ANKRD30BL: variants seen among roughly 807,000 people sequenced by gnomAD.
ANKRD30BL encodes ankyrin repeat domain 30B like, also known as putative ankyrin repeat domain-containing protein 30B-like.
In ANKRD30BL, 20 loss-of-function variants were observed where a neutral mutation model predicts 18.4. That is an observed-to-expected ratio of 1.09 (90% CI 0.77 to 1.58). The LOEUF (loss-of-function observed/expected upper bound fraction) is 1.58. Among genes scored for constraint, ANKRD30BL ranks in the 40% most tolerant of loss-of-function variants. The pLI is 0.00. For missense variants in ANKRD30BL, 224 were observed against 268.6 expected (o/e 0.83, Z 1.16); for synonymous variants, 72 against 100.9 (o/e 0.71, Z 1.72).
At chr2:132,217,964 C>G (rs1344335265) in intron 1 of ANKRD30BL, among the ~76,000 whole-genome samples, 1 of 151,826 alleles carries the variant, frequency 6.6e-6, no homozygotes, top group Non-Finnish European at 1.5e-5. Context: ...AAACTCTAGA[C>G]AGAAGCATTC....
intron 1 of ANKRD30BL, among the ~76,000 whole-genome samples, chr2:132,216,035 T>A (rs1679489613): frequency 6.6e-6 from 1 of 150,826 alleles, no homozygotes. Flanking sequence ...AAAGGAAATA[T>A]CTTCATAGAG....
At chr2:132,149,722 A>AT (rs1687706913) in intron 5 of ANKRD30BL, among the ~76,000 whole-genome samples, 1 of 152,074 alleles carries the variant, frequency 6.6e-6, no homozygotes, top group Admixed American at 6.5e-5. Flanking sequence ...TAATAGACAG[A>AT]TTTTTCTTTT....
intron 3 of ANKRD30BL, chr2:132,156,675 T>C (rs555059488): frequency 6.0e-6 from 1 of 166,432 alleles, no homozygotes; most frequent in East Asian, 1.7e-4. Context: ...AAATTTTACT[T>C]TCCTGTAGTT....
At chr2:132,226,594 A>C (rs1679852317) in intron 1 of ANKRD30BL, among the ~76,000 whole-genome samples, 1 of 152,040 alleles carries the variant, frequency 6.6e-6, no homozygotes. Context: ...CACAGAGTTA[A>C]ACCTTTCTTT....
chr2:132,207,414 C>A (rs1281152140), intron 1 of ANKRD30BL, among the ~76,000 whole-genome samples: 2 of 150,070 alleles, frequency 1.3e-5, no homozygotes, highest in East Asian at 2.0e-4. Flanking sequence ...GTTATTATCA[C>A]TTGAGCCATC....
At chr2:132,202,239 T>C (rs1221861224) in intron 1 of ANKRD30BL, among the ~76,000 whole-genome samples, 1 of 152,068 alleles carries the variant, frequency 6.6e-6, no homozygotes, top group Non-Finnish European at 1.5e-5. Context: ...CATGTATACA[T>C]ATGTAACTAA....
intron 1 of ANKRD30BL, among the ~76,000 whole-genome samples, chr2:132,220,145 C>G (rs1326901394): frequency 6.6e-6 from 1 of 151,852 alleles, no homozygotes; most frequent in Non-Finnish European, 1.5e-5. Context: ...CATTTAGTGG[C>G]CTTCGTTGGA....
chr2:132,171,085 G>A (rs1688271618), intron 1 of ANKRD30BL, among the ~76,000 whole-genome samples: 1 of 151,526 alleles, frequency 6.6e-6, no homozygotes, highest in Non-Finnish European at 1.5e-5. Context: ...GAACCCGGAG[G>A]CGGAGCCTGC....
intron 1 of ANKRD30BL, among the ~76,000 whole-genome samples, chr2:132,178,952 T>C (rs4381827): frequency 6.6e-6 from 1 of 151,514 alleles, no homozygotes; most frequent in African/African-American, 2.4e-5. Flanking sequence ...GTGATGCATT[T>C]TGCAGAGGTA....
chr2:132,191,082 G>T (rs546393437), intron 1 of ANKRD30BL, among the ~76,000 whole-genome samples: 5 of 152,118 alleles, frequency 3.3e-5, no homozygotes, highest in African/African-American at 1.2e-4. Flanking sequence ...CACCTCAAAG[G>T]TTCTTTTGTA....
At chr2:132,197,197 CTAATT>C (rs1260048392) in intron 1 of ANKRD30BL, among the ~76,000 whole-genome samples, 6 of 152,196 alleles carry the variant, frequency 3.9e-5, no homozygotes, top group East Asian at 1.9e-4. Context: ...CTTGAGGACT[CTAATT>C]TAAAGTATAA....
In ANKRD30BL at chr2:132,161,645, A is replaced by G. The variant is rs1342292127; in HGVS notation, c.61T>C (p.Phe21Leu). ...TTGTTGGTGTAGACCAGCTGACTGA[A>G]GGGGCTCGGGCGCTCTGGGCCCGTC... Reference protein sequence around the residue: ...GQTGPERPSPFSQLVYTNNDS... With the variant: ...GQTGPERPSPLSQLVYTNNDS... The change falls in exon 1 of 6, where the codon TTC (phenylalanine) becomes CTC (leucine). Residue 21 changes from phenylalanine to leucine, a missense_variant. Around this residue, in one of 3 missense-constraint regions of ANKRD30BL, gnomAD observed 131 missense variants for 128.8 expected, o/e 1.02. Transcript: ENST00000409867. 15 of 1,453,276 alleles carry G rather than the reference A, an allele frequency of 1.0e-5. No individual in the cohort carries two copies. Among genetic ancestry groups the G allele is most frequent in the Middle Eastern group, 2.4e-4 (1 of 4,186 alleles). The allele number at this position is 1,453,276 out of a possible 1,614,324, so 90.0% of individuals were successfully genotyped here.
intron 1 of ANKRD30BL, among the ~76,000 whole-genome samples, chr2:132,178,362 C>T (rs1688399656): frequency 6.6e-6 from 1 of 152,104 alleles, no homozygotes; most frequent in South Asian, 2.1e-4. Context: ...TCAGAGAGGA[C>T]AGAACAGTGG....
chr2:132,246,278 A>G (rs796607755), intron 1 of ANKRD30BL, among the ~76,000 whole-genome samples: 2 of 151,574 alleles, frequency 1.3e-5, no homozygotes, highest in African/African-American at 4.8e-5. Context: ...TTTGAGGTGT[A>G]CGGTGAAAAA....
At chr2:132,193,101 G>A (rs949171099) in intron 1 of ANKRD30BL, among the ~76,000 whole-genome samples, 3 of 152,288 alleles carry the variant, frequency 2.0e-5, no homozygotes, top group African/African-American at 7.2e-5. Context: ...CCACAGAAGA[G>A]GCACTCAATA....
intron 1 of ANKRD30BL, among the ~76,000 whole-genome samples, chr2:132,227,523 G>A (rs570505868): frequency 6.6e-6 from 1 of 151,952 alleles, no homozygotes; most frequent in South Asian, 2.1e-4. Flanking sequence ...TACCCCTTGA[G>A]ACCCTCCTTG....
At chr2:132,204,053 T>A (rs1180589842) in intron 1 of ANKRD30BL, among the ~76,000 whole-genome samples, 1 of 152,352 alleles carries the variant, frequency 6.6e-6, no homozygotes, top group East Asian at 1.9e-4. Flanking sequence ...GGAAGTTATC[T>A]GGTGCTCCAG....
intron 1 of ANKRD30BL, among the ~76,000 whole-genome samples, chr2:132,185,633 G>A (rs1275128849): frequency 6.6e-6 from 1 of 152,150 alleles, no homozygotes; most frequent in Non-Finnish European, 1.5e-5. Context: ...TGTGACAGGA[G>A]ATTATGTGAT....
chr2:132,169,723 T>C (rs1343091755), intron 1 of ANKRD30BL, among the ~76,000 whole-genome samples: 2 of 150,122 alleles, frequency 1.3e-5, no homozygotes, highest in Non-Finnish European at 2.9e-5. Flanking sequence ...GAGACTGTAA[T>C]AGGAAATTGC....
Sources: allele counts gnomAD v4.1 joint callset (sites outside exome capture counted in the v4.1 genomes callset), GRCh38; gene constraint gnomAD v4.1.1; regional missense constraint gnomAD v4.1.1; transcripts MANE v1.5; gene names NCBI Gene and HGNC (gene_info 2026-07-23, HGNC 2026-07-21).